The following ACSM2A variants were observed in gnomAD, a reference collection of about 807,000 sequenced individuals.
ACSM2A encodes acyl-coenzyme A synthetase ACSM2A, mitochondrial.
A neutral mutation model predicts 76.6 loss-of-function variants in ACSM2A; 72 were observed. The ratio of observed to expected loss-of-function variants is 0.94; its 90% CI spans 0.78 to 1.14. The LOEUF is 1.14. Ranked by LOEUF, ACSM2A falls within the 50% of genes most tolerant of loss-of-function variation. ACSM2A has a pLI of 0.00. For synonymous variants in ACSM2A, 249 were observed against 255.9 expected (o/e 0.97, Z 0.26); for missense variants, 684 against 708.5 (o/e 0.97, Z 0.39).
rs373306567 is a variant in ACSM2A, at chr16:20,475,766, C to G, written c.1091C>G (p.Thr364Arg). Residue 364 changes from threonine to arginine, a missense_variant, in exon 8 of 14, where the codon ACA (threonine) becomes AGA (arginine). Physicochemically the swap from Thr to Arg is moderately conservative, Grantham distance 71. Coordinates refer to ENST00000573854, the MANE Select transcript of ACSM2A (RefSeq NM_001308172.2). ...GACATCCGAGAATCCTATGGCCAGA[C>G]AGAAACGGTACCTGTTCCCAGGGGA... Reference protein sequence around the residue: ...GLDIRESYGQTETGLTCMVSK... With the variant: ...GLDIRESYGQRETGLTCMVSK... 14 of 1,613,818 alleles carry G rather than the reference C, an allele frequency of 8.7e-6. No individual in the cohort carries two copies. Among genetic ancestry groups the G allele is most frequent in the Middle Eastern group, 1.6e-4 (1 of 6,082 alleles).
chr16:20,484,153 T>G (rs931011897), intron 13 of ACSM2A, among the ~76,000 whole-genome samples: 14 of 150,150 alleles, frequency 9.3e-5, no homozygotes, highest in African/African-American at 3.3e-4. Context: ...TCACACTGAT[T>G]AGCCAAGTCA....
In ACSM2A at chr16:20,471,229, C is replaced by T. The variant is rs760035664; in HGVS notation, c.740+13C>T. ...AGATGGATGCTGGGTAAGCTGAGCT[C>T]TTTCTCTCTACAGAGAATTACATGA... is the stretch of plus-strand genomic sequence containing the variant. On this transcript the variant is annotated intron_variant, in intron 5 of 13. Coordinates refer to ENST00000573854, the MANE Select transcript of ACSM2A (RefSeq NM_001308172.2). 6.2e-7 allele frequency: 1 copy of T among 1,606,652 alleles called. No homozygotes were observed. The highest frequency in any genetic ancestry group is 8.5e-7 in the Non-Finnish European group (1 of 1,175,846).
chr16:20,469,800 A>T, intron 4 of ACSM2A, 81 bp downstream of exon 4: 1 of 1,546,132 alleles, frequency 6.5e-7, no homozygotes, highest in Non-Finnish European at 8.8e-7. Context: ...TGCTTTATTG[A>T]GGAGGTGCAG....
At chr16:20,465,159 A>G (rs2012901668) in intron 2 of ACSM2A, among the ~76,000 whole-genome samples, 1 of 152,198 alleles carries the variant, frequency 6.6e-6, no homozygotes, top group African/African-American at 2.4e-5. Flanking sequence ...TGCAGAATAA[A>G]TAGACGCAAT....
At chr16:20,463,088 G>C (rs1318958060) in intron 2 of ACSM2A, among the ~76,000 whole-genome samples, 2 of 105,812 alleles carry the variant, frequency 1.9e-5, no homozygotes, top group South Asian at 8.2e-4. Context: ...TTATGGGGTG[G>C]GGGGAGGGGG....
Position 20,475,440 on chromosome 16 carries a change from A to C in ACSM2A, c.973A>C (p.Ser325Arg). ...GATGTTGCTACAGCAGGATCTTTCC[A>C]GGTGATGGGGCTTTGAGGATTGGTA... The part of the protein sequence containing the change: ...YRMLLQQDLS[S>R]YKFPHLQNCV... The change falls in exon 7 of 14, where the codon AGT (serine) becomes CGT (arginine). Residue 325 changes from serine to arginine, a missense_variant and splice_region_variant. Physicochemically the swap from Ser to Arg is moderately radical, Grantham distance 110 (BLOSUM62 -1). Around this residue, in one of 3 missense-constraint regions of ACSM2A, gnomAD observed 519 missense variants for 549.5 expected, o/e 0.94. Transcript: ENST00000573854. 1 of 1,613,724 alleles carries C rather than the reference A, an allele frequency of 6.2e-7. No homozygotes were observed.
intron 10 of ACSM2A, among the ~76,000 whole-genome samples, chr16:20,480,228 T>C (rs2014003521): frequency 6.6e-6 from 1 of 152,082 alleles, no homozygotes; most frequent in Admixed American, 6.5e-5. Flanking sequence ...TAGCTTTGAG[T>C]GGTGCTATGG....
intron 12 of ACSM2A, chr16:20,482,223 T>C (rs1297876183): frequency 6.6e-6 from 1 of 150,636 alleles, no homozygotes. Flanking sequence ...GTAAGTACTA[T>C]ATAATGTCTA....
In ACSM2A at chr16:20,475,855, C is replaced by CCATGTATCAT. The variant is rs1452635335; in HGVS notation, c.1098+83_1098+92dup. 5 of 1,592,114 alleles carry CCATGTATCAT rather than the reference C, an allele frequency of 3.1e-6. No individual in the cohort carries two copies. In the African/African-American group the frequency reaches 6.8e-5, roughly 22 times the overall value. On this transcript the variant is annotated intron_variant, in intron 8 of 13. Coordinates refer to ENST00000573854, the MANE Select transcript of ACSM2A (RefSeq NM_001308172.2). The stretch of plus-strand genomic sequence containing the variant: ...CTTTGACAATAAAAATTGTTAGCCA[C>CCATGTATCAT]CATGTATCATTCATCTATTCGAGAA...
chr16:20,478,430 C>G (rs1193284056), intron 9 of ACSM2A, 146 bp from the exon 10 acceptor site: 2 of 878,512 alleles, frequency 2.3e-6, no homozygotes, highest in Non-Finnish European at 3.3e-6. Context: ...GTTTAAGACT[C>G]TTGGGTTCCC....
intron 3 of ACSM2A, among the ~76,000 whole-genome samples, chr16:20,465,954 T>G (rs1437091704): frequency 6.6e-6 from 1 of 152,176 alleles, no homozygotes; most frequent in Non-Finnish European, 1.5e-5. Context: ...TCATGGGACT[T>G]ACAGAACTTT....
chr16:20,463,646 C>T (rs1322606532), intron 2 of ACSM2A, among the ~76,000 whole-genome samples: 2 of 152,162 alleles, frequency 1.3e-5, no homozygotes, highest in Non-Finnish European at 2.9e-5. Context: ...GCTTCCTGTA[C>T]ACCCTGCATA....
At position 20,459,030 on chromosome 16, in the gene ACSM2A, T is replaced by G. The variant is rs553976702; in HGVS notation, c.-8-1077T>G. Among the ~76,000 whole-genome samples the G allele has an allele frequency of 2.7e-5, 4 of 150,054 alleles. No individual in the cohort carries two copies. The East Asian group carries it at 5.9e-4, about 22-fold the overall frequency. ...TGGGATTGGAGACCATCGTTCAAAGTGAAGTAATTCAGGAATGGAAACCCA... is the reference window on the plus strand; with the variant it reads ...TGGGATTGGAGACCATCGTTCAAAGGGAAGTAATTCAGGAATGGAAACCCA... On this transcript the variant is annotated intron_variant, in intron 1 of 13. Transcript: ENST00000573854.
intron 1 of ACSM2A, among the ~76,000 whole-genome samples, chr16:20,454,894 T>G (rs1233209012): frequency 7.9e-6 from 1 of 125,856 alleles, no homozygotes; most frequent in Non-Finnish European, 1.6e-5. Context: ...TGAAGTCCAA[T>G]TTAAGGAAAA....
intron 10 of ACSM2A, among the ~76,000 whole-genome samples, chr16:20,479,132 G>T (rs1284152906): frequency 6.6e-6 from 1 of 152,106 alleles, no homozygotes; most frequent in East Asian, 1.9e-4. Flanking sequence ...GGTAAAGACA[G>T]ATAATCCTTG....
intron 5 of ACSM2A, 76 bp from the exon 6 acceptor site, chr16:20,471,460 C>T (rs2013395578): frequency 6.5e-7 from 1 of 1,538,488 alleles, no homozygotes; most frequent in South Asian, 1.3e-5. Flanking sequence ...TCCCTTTCCT[C>T]CCCTACACCT....
intron 12 of ACSM2A, chr16:20,481,227 T>TGGATCCCACTACTGG: frequency 1.1e-5 from 4 of 375,876 alleles, no homozygotes; most frequent in Non-Finnish European, 1.9e-5. Context: ...ACTGGGTATT[T>TGGATCCCACTACTGG]ATCCAAAGGA....
chr16:20,466,467 A>C (rs2013002840), intron 3 of ACSM2A, among the ~76,000 whole-genome samples: 1 of 152,118 alleles, frequency 6.6e-6, no homozygotes, highest in African/African-American at 2.4e-5. Context: ...TGAAAACAGT[A>C]GGAGTTGTGG....
intron 3 of ACSM2A, among the ~76,000 whole-genome samples, chr16:20,467,642 A>G (rs1160955158): frequency 1.3e-5 from 2 of 152,246 alleles, no homozygotes; most frequent in East Asian, 3.9e-4. Flanking sequence ...AAGTGGGTGG[A>G]TGGTGCTTTC....
Sources: allele counts gnomAD v4.1 joint callset (sites outside exome capture counted in the v4.1 genomes callset), GRCh38; gene constraint gnomAD v4.1.1; regional missense constraint gnomAD v4.1.1; transcripts MANE v1.5; gene names NCBI Gene and HGNC (gene_info 2026-07-23, HGNC 2026-07-21).